ESRRG: variants seen among roughly 807,000 people sequenced by gnomAD.
ESRRG encodes estrogen-related receptor gamma.
A neutral mutation model predicts 44.0 loss-of-function variants in ESRRG; 13 were observed. The ratio of observed to expected loss-of-function variants is 0.30; its 90% CI spans 0.19 to 0.47. The LOEUF is 0.47. ESRRG is among the 20% of genes least tolerant of loss of function. The probability of loss-of-function intolerance (pLI) is 1.00; values close to 1 mark genes in which losing one functional copy is unlikely to be tolerated. For missense variants in ESRRG, 395 were observed against 580.6 expected, an observed-to-expected ratio of 0.68 and a Z score of 3.29; for synonymous variants, 215 against 214.6, an observed-to-expected ratio of 1.00 and a Z score of -0.02.
chr1:217,002,858 C>A (rs578238215), intron 1 of ESRRG, among the ~76,000 whole-genome samples: 2 of 152,186 alleles, frequency 1.3e-5, no homozygotes, highest in Admixed American at 1.3e-4. Flanking sequence ...TGACTGCAAC[C>A]CCCTGGTGAC....
chr1:216,752,171 A>AC (rs1336790096), intron 2 of ESRRG, among the ~76,000 whole-genome samples: 1 of 152,148 alleles, frequency 6.6e-6, no homozygotes, highest in Non-Finnish European at 1.5e-5. Context: ...CTGAGATGTA[A>AC]AAGAGTTAAG....
At position 216,787,599 on chromosome 1, in the gene ESRRG, C is replaced by CAA. The variant is rs34433548; in HGVS notation, c.-13-110110_-13-110109dup. Among the ~76,000 whole-genome samples, 209 of 76,382 alleles carry CAA rather than the reference C, an allele frequency of 2.7e-3. 1 individual carries two copies. The highest frequency in any genetic ancestry group is 5.4e-3 in the East Asian group (13 of 2,394). The allele number at this position is 76,382 out of a possible 152,430, so 50.1% of individuals were successfully genotyped here. A position where few individuals can be genotyped will look rare whatever the true frequency, so the allele number is the denominator to read the frequency against. On this transcript the variant is annotated intron_variant, in intron 2 of 7. Transcript: ENST00000359162. Reference sequence around the variant, plus strand: ...CCTGGGTGACAGAGCAAGACTCCATCAAAAAAAAAAAAAAAAAAAAAAAAA... The same window carrying CAA: ...CCTGGGTGACAGAGCAAGACTCCATCAAAAAAAAAAAAAAAAAAAAAAAAAAA...
intron 1 of ESRRG, among the ~76,000 whole-genome samples, chr1:217,132,920 TTC>T (rs2092985987): frequency 1.3e-5 from 2 of 152,210 alleles, no homozygotes; most frequent in Admixed American, 6.5e-5. Context: ...GGCCTCTCCG[TTC>T]TCTGTCACCA....
chr1:216,933,975 C>T (rs973013864), intron 2 of ESRRG, among the ~76,000 whole-genome samples: 17 of 152,164 alleles, frequency 1.1e-4, no homozygotes, highest in African/African-American at 3.1e-4. Context: ...CCGTTCCTTG[C>T]CCGATTCTGT....
chr1:217,058,496 G>A (rs1191297657), intron 1 of ESRRG, among the ~76,000 whole-genome samples: 1 of 152,094 alleles, frequency 6.6e-6, no homozygotes, highest in Non-Finnish European at 1.5e-5. Context: ...ATAGTTACTT[G>A]TGGACTTAAG....
chr1:217,110,819 A>G (rs2092653326), intron 1 of ESRRG, among the ~76,000 whole-genome samples: 1 of 152,098 alleles, frequency 6.6e-6, no homozygotes, highest in Non-Finnish European at 1.5e-5. Context: ...TTGAAACTAT[A>G]TTGCTCGATA....
intron 1 of ESRRG, among the ~76,000 whole-genome samples, chr1:217,113,589 G>A (rs1035704698): frequency 6.1e-5 from 9 of 147,300 alleles, no homozygotes; most frequent in Non-Finnish European, 1.2e-4. Flanking sequence ...GACTTTTGGG[G>A]GCTTGGGAGG....
intron 1 of ESRRG, among the ~76,000 whole-genome samples, chr1:217,012,226 A>T (rs2078726752): frequency 6.6e-6 from 1 of 152,196 alleles, no homozygotes; most frequent in Non-Finnish European, 1.5e-5. Flanking sequence ...GTCTTCTGAG[A>T]AACCCATCTA....
At chr1:216,600,708 G>C (rs976200211) in intron 3 of ESRRG, among the ~76,000 whole-genome samples, 1 of 152,144 alleles carries the variant, frequency 6.6e-6, no homozygotes, top group Admixed American at 6.5e-5. Context: ...GAGGTATACA[G>C]ATGACTGCAT....
At chr1:217,113,238 A>G (rs1231203732) in intron 1 of ESRRG, among the ~76,000 whole-genome samples, 3 of 152,178 alleles carry the variant, frequency 2.0e-5, no homozygotes, top group Non-Finnish European at 4.4e-5. Context: ...ATGAGACAGT[A>G]GAGACAAGAG....
At chr1:216,914,178 A>G (rs2149632233) in intron 2 of ESRRG, among the ~76,000 whole-genome samples, 1 of 152,140 alleles carries the variant, frequency 6.6e-6, no homozygotes, top group African/African-American at 2.4e-5. Context: ...CTGAAGATAA[A>G]GCGAATCCTT....
intron 2 of ESRRG, among the ~76,000 whole-genome samples, chr1:216,818,539 C>G (rs1306610275): frequency 6.6e-6 from 1 of 152,138 alleles, no homozygotes; most frequent in Non-Finnish European, 1.5e-5. Context: ...ATCCTCTTAG[C>G]TCATGCCCTC....
intron 3 of ESRRG, among the ~76,000 whole-genome samples, chr1:216,629,678 A>G (rs1271333500): frequency 6.6e-6 from 1 of 152,174 alleles, no homozygotes; most frequent in African/African-American, 2.4e-5. Context: ...ACCAGGAAGT[A>G]ACTTGCGCAC....
chr1:216,632,235 G>T (rs2064349539), intron 3 of ESRRG, among the ~76,000 whole-genome samples: 1 of 152,050 alleles, frequency 6.6e-6, no homozygotes, highest in Non-Finnish European at 1.5e-5. Context: ...TTTAGCTAAT[G>T]GCTCACTGAC....
At chr1:217,118,259 C>A (rs1238942425) in intron 1 of ESRRG, among the ~76,000 whole-genome samples, 1 of 152,208 alleles carries the variant, frequency 6.6e-6, no homozygotes, top group Non-Finnish European at 1.5e-5. Flanking sequence ...GAATCCTGGG[C>A]TCTTAACCAC....
chr1:216,689,490 T>G (rs1320051982), intron 1 of ESRRG, among the ~76,000 whole-genome samples: 2 of 152,142 alleles, frequency 1.3e-5, no homozygotes, highest in African/African-American at 4.8e-5. Context: ...TAAATACATT[T>G]TTATAGAGAA....
At chr1:216,835,156 C>A (rs113123105) in intron 2 of ESRRG, among the ~76,000 whole-genome samples, 1 of 47,614 alleles carries the variant, frequency 2.1e-5, no homozygotes, top group Admixed American at 1.9e-4. Context: ...AACTGATAAT[C>A]AGAGTTGAAT....
At chr1:216,592,563 C>T (rs11572740) in intron 3 of ESRRG, among the ~76,000 whole-genome samples, 1,772 of 151,934 alleles carry the variant, frequency 0.012, 37 homozygotes, top group African/African-American at 0.04. Context: ...TGCAGTGGTA[C>T]GATCTTGGCT....
At chr1:216,852,903 T>A (rs966380338) in intron 2 of ESRRG, among the ~76,000 whole-genome samples, 2 of 152,142 alleles carry the variant, frequency 1.3e-5, no homozygotes, top group African/African-American at 4.8e-5. Context: ...ACTCTGACTA[T>A]GGCCTCACTT....
Sources: allele counts gnomAD v4.1 joint callset (sites outside exome capture counted in the v4.1 genomes callset), GRCh38; gene constraint gnomAD v4.1.1; transcripts MANE v1.5; gene names NCBI Gene and HGNC (gene_info 2026-07-23, HGNC 2026-07-21).